The following CD80 variants were observed in gnomAD, a reference collection of about 807,000 sequenced individuals.
CD80 encodes T-lymphocyte activation antigen CD80.
CD80 carries 13 observed loss-of-function variants against 27.1 expected under a neutral mutation model. The ratio of observed to expected loss-of-function variants is 0.48; its 90% CI spans 0.31 to 0.76. The LOEUF is 0.76. CD80 is among the 30% of genes least tolerant of loss of function. The pLI is 0.04. For synonymous variants in CD80, 125 were observed against 125.5 expected (o/e 1.00, Z 0.03); for missense variants, 277 against 347.9 (o/e 0.80, Z 1.62).
chr3:119,545,979 G>A (rs2082200555), intron 2 of CD80, among the ~76,000 whole-genome samples: 1 of 152,190 alleles, frequency 6.6e-6, no homozygotes. Flanking sequence ...AAAGGTTTTG[G>A]AAGTCACTAT....
At chr3:119,549,823 G>A (rs2082221700) in intron 2 of CD80, among the ~76,000 whole-genome samples, 1 of 152,204 alleles carries the variant, frequency 6.6e-6, no homozygotes, top group African/African-American at 2.4e-5. Context: ...CATACTTGAA[G>A]GGAGCATATT....
intron 2 of CD80, among the ~76,000 whole-genome samples, chr3:119,552,593 G>A (rs907342796): frequency 1.4e-4 from 21 of 151,786 alleles, no homozygotes; most frequent in Admixed American, 5.9e-4. Flanking sequence ...AGCACTTTGG[G>A]AGCTGGCCAA....
At chr3:119,529,634 A>T (rs555248675) in intron 5 of CD80, among the ~76,000 whole-genome samples, 6 of 152,340 alleles carry the variant, frequency 3.9e-5, no homozygotes, top group African/African-American at 1.4e-4. Context: ...AGTGCCTAGT[A>T]GAGTGCCACA....
chr3:119,527,894 T>G lies in CD80; in HGVS notation c.797-53A>C, dbSNP rs1363821365. 4.1e-6 allele frequency: 6 copies of G among 1,468,824 alleles called. No individual in the cohort carries two copies. The African/African-American group carries it at 8.3e-5, about 20-fold the overall frequency. 91.0% of individuals were successfully genotyped at this position (1,468,824 alleles called of 1,614,324 possible). The stretch of plus-strand genomic sequence containing the variant: ...TGATAAGTAAGTTTCCCTTGAATTG[T>G]GCCCATATGTTAATATTTACTTTAG... On this transcript the variant is annotated intron_variant, in intron 5 of 6. Coordinates refer to ENST00000264246, the MANE Select transcript of CD80 (RefSeq NM_005191.4).
chr3:119,533,801 G>C (rs533363852), intron 4 of CD80, among the ~76,000 whole-genome samples: 1 of 152,104 alleles, frequency 6.6e-6, no homozygotes, highest in South Asian at 2.1e-4. Context: ...GCATGAAAAG[G>C]GACTAATACA....
chr3:119,537,000 T>C (rs1012757705), intron 4 of CD80, 137 bp downstream of exon 4: 38 of 833,936 alleles, frequency 4.6e-5, no homozygotes, highest in Middle Eastern at 2.6e-4. Context: ...TTTATGTAAA[T>C]ACACTCTGAT....
At chr3:119,545,408 C>T (rs1167620915) in intron 2 of CD80, among the ~76,000 whole-genome samples, 4 of 152,118 alleles carry the variant, frequency 2.6e-5, no homozygotes, top group African/African-American at 7.2e-5. Flanking sequence ...GTGTACAGTT[C>T]AGTAATGTTA....
intron 2 of CD80, among the ~76,000 whole-genome samples, chr3:119,547,187 C>T (rs2082206697): frequency 6.6e-6 from 1 of 152,226 alleles, no homozygotes; most frequent in South Asian, 2.1e-4. Flanking sequence ...ATAAAATCCA[C>T]AGTAGTTGTG....
intron 4 of CD80, among the ~76,000 whole-genome samples, chr3:119,536,751 G>C (rs549559608): frequency 6.6e-6 from 1 of 152,348 alleles, no homozygotes; most frequent in East Asian, 1.9e-4. Context: ...CTGAGTTACA[G>C]TAATGTGCCA....
intron 2 of CD80, among the ~76,000 whole-genome samples, chr3:119,545,122 T>C (rs1015662536): frequency 3.3e-5 from 5 of 152,128 alleles, no homozygotes; most frequent in Non-Finnish European, 7.3e-5. Flanking sequence ...GGCAGGCAGA[T>C]CACTTGAGGT....
At chr3:119,542,827 CA>C (rs377645426) in intron 3 of CD80, among the ~76,000 whole-genome samples, 1 of 152,174 alleles carries the variant, frequency 6.6e-6, no homozygotes, top group African/African-American at 2.4e-5. Context: ...ACATTAGCCA[CA>C]AGATTAGAAA....
At chr3:119,535,424 G>T (rs12330581) in intron 4 of CD80, among the ~76,000 whole-genome samples, 18,671 of 152,146 alleles carry the variant, frequency 0.12, 1,371 homozygotes, top group Admixed American at 0.18. Flanking sequence ...ATCCTTGGGA[G>T]TGGGGCTAGG....
chr3:119,537,284 T>A lies in CD80; in HGVS notation c.553A>T (p.Ile185Phe). The A allele has an allele frequency of 1.2e-6, 2 of 1,614,140 alleles. No individual in the cohort carries two copies. The highest frequency in any genetic ancestry group is 1.7e-6 in the Non-Finnish European group (2 of 1,180,002). The change falls in exon 4 of 7, where the codon ATC (isoleucine) becomes TTC (phenylalanine). Residue 185 changes from isoleucine (I) to phenylalanine (F), a missense_variant. Ile to Phe is a conservative substitution (Grantham distance 21). Transcript: ENST00000264246. ...WLENGEELNA[I>F]NTTVSQDPET... ...GGATCTTGGGAAACTGTTGTGTTGATGGCATTTAATTCTTCTCCATTTTCC... is the reference window on the plus strand; with the variant it reads ...GGATCTTGGGAAACTGTTGTGTTGAAGGCATTTAATTCTTCTCCATTTTCC...
intron 5 of CD80, among the ~76,000 whole-genome samples, chr3:119,528,604 T>C (rs1445358245): frequency 2.0e-5 from 3 of 152,056 alleles, no homozygotes; most frequent in African/African-American, 7.2e-5. Flanking sequence ...ACTGAGAAAA[T>C]GGACATTTTC....
In CD80 at chr3:119,544,772, A is replaced by C; in HGVS notation, c.196T>G (p.Trp66Gly). 6.2e-7 allele frequency: 1 copy of C among 1,614,214 alleles called. No homozygotes were observed. The highest frequency in any genetic ancestry group is 8.5e-7 in the Non-Finnish European group (1 of 1,180,042). ...AGCACCATTTTCTTCTCCTTTTGCC[A>C]GTAGATGCGAGTTTGTGCCAGCTCT... ...VEELAQTRIY[W>G]QKEKKMVLTM... The change falls in exon 3 of 7, where the codon TGG becomes GGG. Residue 66 changes from tryptophan to glycine, a missense_variant. Transcript: ENST00000264246.
chr3:119,544,630 G>T lies in CD80; in HGVS notation c.338C>A (p.Thr113Lys). The T allele has an allele frequency of 6.2e-7, 1 of 1,614,192 alleles. No individual in the cohort carries two copies. Among genetic ancestry groups the T allele is most frequent in the South Asian group, 1.1e-5 (1 of 91,092 alleles). ...ATACTTCAGAACAACACACTCGTAT[G>T]TGCCCTCGTCAGATGGGCGCAGAGC... ...ILALRPSDEGTYECVVLKYEK... is the reference protein window; with the variant it reads ...ILALRPSDEGKYECVVLKYEK... The change falls in exon 3 of 7, where the codon ACA becomes AAA. Residue 113 changes from threonine to lysine, a missense_variant. Coordinates refer to ENST00000264246, the MANE Select transcript of CD80 (RefSeq NM_005191.4).
At chr3:119,551,860 T>G (rs2082234141) in intron 2 of CD80, among the ~76,000 whole-genome samples, 1 of 152,238 alleles carries the variant, frequency 6.6e-6, no homozygotes, top group Non-Finnish European at 1.5e-5. Flanking sequence ...CCATGGTAAC[T>G]GGCTGATTCT....
intron 2 of CD80, among the ~76,000 whole-genome samples, chr3:119,556,067 C>T (rs2082262975): frequency 6.6e-6 from 1 of 152,160 alleles, no homozygotes; most frequent in Non-Finnish European, 1.5e-5. Flanking sequence ...GTTAGCTTTG[C>T]ATTTCCGCAA....
At chr3:119,555,995 C>G (rs1159894871) in intron 2 of CD80, among the ~76,000 whole-genome samples, 1 of 152,194 alleles carries the variant, frequency 6.6e-6, no homozygotes, top group African/African-American at 2.4e-5. Flanking sequence ...CCCACTTTCC[C>G]AGATCTTGGG....
Sources: gnomAD v4.1 joint callset for allele counts (sites outside exome capture counted in the v4.1 genomes callset) on GRCh38, gnomAD v4.1.1 for gene constraint, MANE v1.5 for transcripts, NCBI Gene and HGNC (gene_info 2026-07-23, HGNC 2026-07-21) for gene names.